Variants in ZMYM4 observed in about 807,000 individuals in gnomAD.
ZMYM4 encodes zinc finger MYM-type protein 4.
In ZMYM4, 31 loss-of-function variants were observed where a neutral mutation model predicts 183.2. The observed-to-expected ratio is 0.17, with a 90% confidence interval of 0.13 to 0.23. The LOEUF (loss-of-function observed/expected upper bound fraction) is 0.23. Ranked by LOEUF, ZMYM4 falls within the 10% of genes least tolerant of loss-of-function variation. ZMYM4 has a pLI of 1.00. For missense variants in ZMYM4, 1,273 were observed against 1,840.3 expected, an observed-to-expected ratio of 0.69 and a Z score of 5.64; for synonymous variants, 592 against 631.2, an observed-to-expected ratio of 0.94 and a Z score of 0.93.
chr1:35,408,792 G>A (rs1012101110), intron 26 of ZMYM4, among the ~76,000 whole-genome samples: 75 of 152,262 alleles, frequency 4.9e-4, no homozygotes, highest in African/African-American at 1.7e-3. Context: ...GGGAAAATAT[G>A]CATAACATAA....
chr1:35,373,178 T>G (rs960876135), intron 7 of ZMYM4, among the ~76,000 whole-genome samples: 4 of 151,420 alleles, frequency 2.6e-5, no homozygotes, highest in African/African-American at 7.3e-5. Context: ...GAAAGAAAAT[T>G]ATGTTGTACA....
chr1:35,272,362 A>G (rs905829459), intron 1 of ZMYM4, among the ~76,000 whole-genome samples: 9 of 152,210 alleles, frequency 5.9e-5, no homozygotes, highest in African/African-American at 2.2e-4. Flanking sequence ...CATGCTAGGC[A>G]TTGTGCTTTG....
chr1:35,399,229 T>C (rs563182204), intron 22 of ZMYM4, among the ~76,000 whole-genome samples, 186 bp downstream of exon 22: 1 of 152,230 alleles, frequency 6.6e-6, no homozygotes, highest in Non-Finnish European at 1.5e-5. Flanking sequence ...ATTGTTCTTA[T>C]AAGTGGTTAA....
At position 35,361,841 on chromosome 1, in the gene ZMYM4, A is replaced by T. The variant is rs764391741; in HGVS notation, c.840+52A>T. ...TTCTTTTTGTTCCACACATTGAATT[A>T]TTCATTTGAGAGAGGAAGTGCTTAA... On this transcript the variant is annotated intron_variant, in intron 5 of 29. Transcript: ENST00000314607. The T allele has an allele frequency of 3.2e-6, 5 of 1,566,282 alleles. No individual in the cohort carries two copies. The African/African-American group carries it at 6.9e-5, about 22-fold the overall frequency.
intron 2 of ZMYM4, among the ~76,000 whole-genome samples, chr1:35,342,423 A>G (rs1643235188): frequency 6.6e-6 from 1 of 152,028 alleles, no homozygotes; most frequent in African/African-American, 2.4e-5. Flanking sequence ...GGCCTCCCAA[A>G]GTTCTGGGAT....
chr1:35,280,323 A>G (rs563534561), intron 1 of ZMYM4, among the ~76,000 whole-genome samples: 2 of 151,288 alleles, frequency 1.3e-5, no homozygotes, highest in South Asian at 4.2e-4. Context: ...TTTTTAATAG[A>G]GATGGTGTTT....
intron 2 of ZMYM4, among the ~76,000 whole-genome samples, chr1:35,328,057 A>G (rs186894341): frequency 1.3e-5 from 2 of 152,328 alleles, no homozygotes; most frequent in East Asian, 1.9e-4. Flanking sequence ...AATGAATCAT[A>G]TAGCTTTCTA....
At chr1:35,290,730 C>G (rs1640722571) in intron 1 of ZMYM4, among the ~76,000 whole-genome samples, 1 of 152,210 alleles carries the variant, frequency 6.6e-6, no homozygotes, top group Non-Finnish European at 1.5e-5. Context: ...CCATGCCTGG[C>G]TGGATGAAAA....
At chr1:35,356,469 G>A (rs975103711) in intron 2 of ZMYM4, among the ~76,000 whole-genome samples, 13 of 152,214 alleles carry the variant, frequency 8.5e-5, no homozygotes, top group African/African-American at 1.7e-4. Flanking sequence ...TTTACTATCT[G>A]TTGTCTCAAT....
chr1:35,398,374 C>T, intron 20 of ZMYM4, 39 bp from the exon 21 acceptor site: 1 of 1,569,286 alleles, frequency 6.4e-7, no homozygotes, highest in South Asian at 1.1e-5. Context: ...AATTTGTTGT[C>T]TAAACATAAA....
intron 5 of ZMYM4, among the ~76,000 whole-genome samples, chr1:35,363,066 G>A (rs529487951): frequency 2.0e-5 from 3 of 152,284 alleles, no homozygotes; most frequent in Non-Finnish European, 2.9e-5. Context: ...CAGCTACTTC[G>A]GAGGCTGAGG....
intron 1 of ZMYM4, among the ~76,000 whole-genome samples, chr1:35,281,574 C>G (rs189578352): frequency 6.6e-6 from 1 of 151,480 alleles, no homozygotes; most frequent in Non-Finnish European, 1.5e-5. Context: ...CATTCCACAC[C>G]GTATACATAC....
chr1:35,368,568 T>C (rs769507458), intron 5 of ZMYM4, among the ~76,000 whole-genome samples: 1 of 152,334 alleles, frequency 6.6e-6, no homozygotes, highest in Middle Eastern at 3.4e-3. Context: ...ATGGTGTTTT[T>C]TTCATAAATT....
rs112603112 is a variant in ZMYM4, at chr1:35,351,304, G to A, written c.86-7621G>A. ...AAGGAATTTAATGCAGAAGTACACC[G>A]GAAGCACATCATGGGCCAGAAAGTT... On this transcript the variant is annotated intron_variant, in intron 2 of 29. Coordinates refer to ENST00000314607, the MANE Select transcript of ZMYM4 (RefSeq NM_005095.3). 2.9e-4 allele frequency: 461 copies of A among 1,579,848 alleles called. 8 individuals are homozygous for A. In the South Asian group the frequency reaches 4.3e-3, roughly 15 times the overall value.
At chr1:35,283,050 G>A (rs1413066891) in intron 1 of ZMYM4, among the ~76,000 whole-genome samples, 3 of 128,550 alleles carry the variant, frequency 2.3e-5, no homozygotes, top group Admixed American at 8.7e-5. Flanking sequence ...CCAGGCCGGA[G>A]TGCAGTGGTG....
rs530482964 is a variant in ZMYM4 at position 35,286,177 on chromosome 1, T to C, written c.39+17092T>C. Among the ~76,000 whole-genome samples, 115 of 152,194 alleles carry C rather than the reference T, an allele frequency of 7.6e-4. No homozygotes were observed. In the South Asian group the frequency reaches 0.023, roughly 30 times the overall value. On this transcript the variant is annotated intron_variant, in intron 1 of 29. Transcript: ENST00000314607. ...TATGCCAAAAACAAAACTGTGCAAG[T>C]TAGTAAGAAATTCAGCAAAGTTGCA...
Position 35,268,969 on chromosome 1 carries a change from T to G in ZMYM4, c.-78T>G. ...TGCCGCGAGGCGGCCGTGCCTGCAG[T>G]GTGGGCGGGGGCCGGGGGGCCGAGA... On this transcript the variant is annotated 5_prime_UTR_variant, in exon 1 of 30. Coordinates refer to ENST00000314607, the MANE Select transcript of ZMYM4 (RefSeq NM_005095.3). The G allele has an allele frequency of 6.9e-7, 1 of 1,446,962 alleles. No homozygotes were observed. Among genetic ancestry groups the G allele is most frequent in the East Asian group, 2.9e-5 (1 of 34,162 alleles). 89.6% of individuals were successfully genotyped at this position (1,446,962 alleles called of 1,614,324 possible). A position where few individuals can be genotyped will look rare whatever the true frequency, so the allele number is the denominator to read the frequency against.
chr1:35,378,182 A>G lies in ZMYM4; in HGVS notation c.1182-3077A>G, dbSNP rs142058990. Among the ~76,000 whole-genome samples, 367 of 152,218 alleles carry G rather than the reference A, an allele frequency of 2.4e-3. 2 individuals carry two copies. Among genetic ancestry groups the G allele is most frequent in the African/African-American group, 7.8e-3 (325 of 41,536 alleles). ...CTAGTTCTCTTACTATTTCTCCCAC[A>G]TTTGTAGTTATTTCCTCCACAGAAG... On this transcript the variant is annotated intron_variant, in intron 7 of 29. Transcript: ENST00000314607.
intron 26 of ZMYM4, among the ~76,000 whole-genome samples, chr1:35,408,819 G>A (rs923350525): frequency 6.6e-6 from 1 of 152,156 alleles, no homozygotes; most frequent in African/African-American, 2.4e-5. Context: ...CCATTTTAAA[G>A]TTTGCAATTC....
Sources: gnomAD v4.1 joint callset for allele counts (sites outside exome capture counted in the v4.1 genomes callset) on GRCh38, gnomAD v4.1.1 for gene constraint, MANE v1.5 for transcripts, NCBI Gene and HGNC (gene_info 2026-07-23, HGNC 2026-07-21) for gene names.